Variants in TMEM200A observed in about 807,000 individuals in gnomAD.
TMEM200A encodes the protein transmembrane protein 200A.
A neutral mutation model predicts 24.3 loss-of-function variants in TMEM200A; 12 were observed. The observed-to-expected ratio is 0.49, with a 90% confidence interval of 0.32 to 0.80. TMEM200A has a LOEUF of 0.80. Among genes scored for constraint, TMEM200A ranks in the 30% least tolerant of loss-of-function variants. The probability of loss-of-function intolerance (pLI) is 0.04; values close to 1 mark genes in which losing one functional copy is unlikely to be tolerated. For missense variants in TMEM200A, 545 were observed against 614.4 expected, an observed-to-expected ratio of 0.89 and a Z score of 1.19; for synonymous variants, 224 against 224.4, an observed-to-expected ratio of 1.00 and a Z score of 0.02.
chr6:130,401,216 G>T (rs975516036), intron 2 of TMEM200A, among the ~76,000 whole-genome samples: 1 of 151,892 alleles, frequency 6.6e-6, no homozygotes, highest in Non-Finnish European at 1.5e-5. Flanking sequence ...TTAATATCTT[G>T]CCTTTTCACT....
chr6:130,410,298 G>A (rs972463269), intron 2 of TMEM200A, among the ~76,000 whole-genome samples: 4 of 152,192 alleles, frequency 2.6e-5, no homozygotes, highest in Non-Finnish European at 4.4e-5. Flanking sequence ...TCTTCAGTAA[G>A]AGACAACTAA....
chr6:130,381,314 T>C (rs1225678502), intron 1 of TMEM200A, among the ~76,000 whole-genome samples: 1 of 152,242 alleles, frequency 6.6e-6, no homozygotes, highest in Admixed American at 6.5e-5. Flanking sequence ...TAAGAAGCAG[T>C]GCTAGATATT....
intron 1 of TMEM200A, among the ~76,000 whole-genome samples, chr6:130,372,967 C>T (rs1778357673): frequency 6.6e-6 from 1 of 152,090 alleles, no homozygotes; most frequent in Non-Finnish European, 1.5e-5. Flanking sequence ...ATATTAGAGG[C>T]CTGTGACACA....
At chr6:130,381,859 CT>C (rs1778605718) in intron 1 of TMEM200A, 2 of 960,968 alleles carry the variant, frequency 2.1e-6, no homozygotes, top group Non-Finnish European at 2.5e-6. Flanking sequence ...TGAGAAATTG[CT>C]GACTGAAGGT....
chr6:130,366,120 C>A lies in TMEM200A; in HGVS notation c.-485C>A. 1 of 985,474 alleles carries A rather than the reference C, an allele frequency of 1.0e-6. No individual in the cohort carries two copies. Among genetic ancestry groups the A allele is most frequent in the Non-Finnish European group, 1.2e-6 (1 of 829,992 alleles). 61.0% of individuals were successfully genotyped at this position (985,474 alleles called of 1,614,324 possible). On this transcript the variant is annotated 5_prime_UTR_variant, in exon 1 of 3. Transcript: ENST00000296978. The surrounding 1 kb of genome is among the most constrained non-coding windows in gnomAD (Gnocchi z 4.4). Reference sequence around the variant, plus strand: ...CTGAGCGGCGACTCCCTCTCCCCTGCCCGGCTTGCTGCGCCCGGTGCCCTC... The same window carrying A: ...CTGAGCGGCGACTCCCTCTCCCCTGACCGGCTTGCTGCGCCCGGTGCCCTC...
intron 2 of TMEM200A, among the ~76,000 whole-genome samples, chr6:130,425,953 T>A (rs187974502): frequency 6.6e-6 from 1 of 152,170 alleles, no homozygotes; most frequent in East Asian, 1.9e-4. Context: ...AAATGCTAAT[T>A]ATTTATTTAG....
intron 2 of TMEM200A, among the ~76,000 whole-genome samples, chr6:130,433,670 T>A (rs1332262735): frequency 6.6e-6 from 1 of 152,244 alleles, no homozygotes; most frequent in African/African-American, 2.4e-5. Context: ...TATAATGTTT[T>A]TGTTTGGTAC....
intron 1 of TMEM200A, among the ~76,000 whole-genome samples, chr6:130,380,015 T>C (rs2115086217): frequency 6.6e-6 from 1 of 152,328 alleles, no homozygotes; most frequent in Admixed American, 6.5e-5. Flanking sequence ...TTTGTTTTGT[T>C]TGCACATGGT....
intron 2 of TMEM200A, chr6:130,438,328 C>A (rs1434957542): frequency 6.6e-6 from 1 of 152,128 alleles, no homozygotes; most frequent in Non-Finnish European, 1.5e-5. Context: ...ATAACAACCA[C>A]AAGCCTGTTA....
At chr6:130,383,306 A>C (rs1778644250) in intron 1 of TMEM200A, among the ~76,000 whole-genome samples, 1 of 152,188 alleles carries the variant, frequency 6.6e-6, no homozygotes, top group Admixed American at 6.5e-5. Flanking sequence ...AGAATGAGAC[A>C]CTGTGAGGTG....
intron 2 of TMEM200A, among the ~76,000 whole-genome samples, chr6:130,408,713 A>G (rs1779263135): frequency 6.6e-6 from 1 of 152,160 alleles, no homozygotes; most frequent in Admixed American, 6.5e-5. Context: ...GGGTATTATG[A>G]TGTGGGTCAC....
intron 2 of TMEM200A, among the ~76,000 whole-genome samples, chr6:130,433,086 G>A (rs899786312): frequency 2.0e-5 from 3 of 151,758 alleles, no homozygotes; most frequent in Admixed American, 6.6e-5. Context: ...CTGTCTCTCT[G>A]ATTCCAGTGG....
intron 2 of TMEM200A, among the ~76,000 whole-genome samples, chr6:130,431,590 TTTC>T (rs1779875943): frequency 6.6e-6 from 1 of 152,172 alleles, no homozygotes; most frequent in Admixed American, 6.5e-5. Flanking sequence ...GGCCTTCTAA[TTTC>T]TTCTGTTCCT....
chr6:130,414,425 C>T (rs138179999), intron 2 of TMEM200A, among the ~76,000 whole-genome samples: 1,756 of 129,726 alleles, frequency 0.014, 16 homozygotes, highest in Non-Finnish European at 0.02. Context: ...GAGCAAGACT[C>T]CATCTCAAAA....
At chr6:130,406,800 T>A (rs542711503) in intron 2 of TMEM200A, among the ~76,000 whole-genome samples, 29 of 152,292 alleles carry the variant, frequency 1.9e-4, no homozygotes, top group African/African-American at 6.5e-4. Context: ...CTCTTTTCCT[T>A]TAAGACTCAA....
intron 1 of TMEM200A, among the ~76,000 whole-genome samples, chr6:130,376,239 T>A (rs2134755): frequency 0.18 from 26,720 of 152,216 alleles, 2,609 homozygotes; most frequent in East Asian, 0.39. Flanking sequence ...TTCAAATTTA[T>A]TTGTTATCAC....
chr6:130,396,087 T>G (rs1157489915), intron 2 of TMEM200A, among the ~76,000 whole-genome samples: 1 of 152,218 alleles, frequency 6.6e-6, no homozygotes, highest in African/African-American at 2.4e-5. Flanking sequence ...TTTAATTATT[T>G]TTTCTTTTTG....
chr6:130,370,256 C>T (rs1482502676), intron 1 of TMEM200A, among the ~76,000 whole-genome samples: 1 of 152,130 alleles, frequency 6.6e-6, no homozygotes, highest in African/African-American at 2.4e-5. Flanking sequence ...TCTTCCAGGT[C>T]CCATTTTTAT....
chr6:130,393,710 T>C (rs778604465), intron 2 of TMEM200A, among the ~76,000 whole-genome samples: 12 of 152,236 alleles, frequency 7.9e-5, no homozygotes, highest in Non-Finnish European at 1.3e-4. Context: ...AGGCCCATCA[T>C]GTAAAACGGG....
Sources: gnomAD v4.1 joint callset for allele counts (sites outside exome capture counted in the v4.1 genomes callset) on GRCh38, gnomAD v4.1.1 for gene constraint, Gnocchi (gnomAD v3.1) non-coding constraint, MANE v1.5 for transcripts, NCBI Gene and HGNC (gene_info 2026-07-23, HGNC 2026-07-21) for gene names.